The following STC2 variants were observed in gnomAD, a reference collection of about 807,000 sequenced individuals.
STC2 encodes the protein stanniocalcin 2, also known as stanniocalcin-2.
In STC2, 7 loss-of-function variants were observed where a neutral mutation model predicts 22.7. The observed-to-expected ratio is 0.31, with a 90% CI of 0.18 to 0.58. The LOEUF (loss-of-function observed/expected upper bound fraction) is 0.58. Ranked by LOEUF, STC2 falls within the 20% of genes least tolerant of loss-of-function variation. STC2 has a pLI of 0.89. For synonymous variants in STC2, 158 were observed against 163.4 expected, an observed-to-expected ratio of 0.97 and a Z score of 0.25; for missense variants, 336 against 406.2, an observed-to-expected ratio of 0.83 and a Z score of 1.48.
rs552523606 is a variant in STC2, at chr5:173,325,129, C to A, written c.294+739G>T. ...ACGTTTCTGAGATATAGTAACAGGG[C>A]GTTTCAACAGGGCATATAAGTGGCC... On this transcript the variant is annotated intron_variant, in intron 2 of 3. Coordinates refer to ENST00000265087, the MANE Select transcript of STC2 (RefSeq NM_003714.3). This position sits in a 1 kb window ranked among gnomAD's most constrained non-coding sequence, Gnocchi z 4.7. Among the ~76,000 whole-genome samples, 2 of 152,312 alleles carry A rather than the reference C, an allele frequency of 1.3e-5. No individual in the cohort carries two copies. The highest frequency in any genetic ancestry group is 2.9e-5 in the Non-Finnish European group (2 of 68,032).
chr5:173,324,512 TAG>T (rs1393694910), intron 2 of STC2, among the ~76,000 whole-genome samples: 2 of 152,214 alleles, frequency 1.3e-5, no homozygotes. Flanking sequence ...TGTCTACAGA[TAG>T]CGTCTGATCT....
chr5:173,318,202 A>T lies in STC2; in HGVS notation c.554T>A (p.Val185Glu). 1 of 1,519,944 alleles carries T rather than the reference A, an allele frequency of 6.6e-7. No individual in the cohort carries two copies. Among genetic ancestry groups the T allele is most frequent in the Non-Finnish European group, 8.8e-7 (1 of 1,132,318 alleles). 94.2% of individuals were successfully genotyped at this position (1,519,944 alleles called of 1,614,324 possible). The change falls in exon 4 of 4, where the codon GTG (valine) becomes GAG (glutamate). Residue 185 changes from valine to glutamate, a missense_variant. Transcript: ENST00000265087. ...VNLLLTCGEEVKEAITHSVQV... is the reference protein window; with the variant it reads ...VNLLLTCGEEEKEAITHSVQV... ...CACGCTGTGGGTGATGGCCTCCTTCACCTCCTCCCCACAGGTCAGCAGCAA... is the reference window on the plus strand; with the variant it reads ...CACGCTGTGGGTGATGGCCTCCTTCTCCTCCTCCCCACAGGTCAGCAGCAA...
chr5:173,325,713 A>G lies in STC2; in HGVS notation c.294+155T>C. ...CAGCTTATGAGTGCAGAAGGGAGAC[A>G]CTGGCATAATGTTTTATACCTAGAC... On this transcript the variant is annotated intron_variant, in intron 2 of 3. Coordinates refer to ENST00000265087, the MANE Select transcript of STC2 (RefSeq NM_003714.3). The surrounding 1 kb of genome is among the most constrained non-coding windows in gnomAD (Gnocchi z 4.7). The G allele has an allele frequency of 1.0e-6, 1 of 1,003,434 alleles. No individual in the cohort carries two copies. Among genetic ancestry groups the G allele is most frequent in the East Asian group, 2.4e-5 (1 of 41,746 alleles). 62.2% of individuals were successfully genotyped at this position (1,003,434 alleles called of 1,614,324 possible). A position where few individuals can be genotyped will look rare whatever the true frequency, so the allele number is the denominator to read the frequency against.
In STC2 at chr5:173,325,346, G is replaced by A. The variant is rs1762533922; in HGVS notation, c.294+522C>T. Among the ~76,000 whole-genome samples, 2 of 152,180 alleles carry A rather than the reference G, an allele frequency of 1.3e-5. No individual in the cohort carries two copies. Among genetic ancestry groups the A allele is most frequent in the African/African-American group, 4.8e-5 (2 of 41,438 alleles). Reference sequence around the variant, plus strand: ...ACTATATTTATCATATAGAGCAAAAGGAAAGTGTGGAACTGAAGGACTCAA... The same window carrying A: ...ACTATATTTATCATATAGAGCAAAAAGAAAGTGTGGAACTGAAGGACTCAA... On this transcript the variant is annotated intron_variant, in intron 2 of 3. Coordinates refer to ENST00000265087, the MANE Select transcript of STC2 (RefSeq NM_003714.3). The surrounding 1 kb of genome is among the most constrained non-coding windows in gnomAD (Gnocchi z 4.7).
At chr5:173,318,366 G>A in intron 3 of STC2, 117 bp from the exon 4 acceptor site, 2 of 1,088,478 alleles carry the variant, frequency 1.8e-6, no homozygotes, top group Non-Finnish European at 1.2e-6. Context: ...AGGAGGCATG[G>A]CCAGTGCTTG....
chr5:173,326,023 T>G lies in STC2; in HGVS notation c.152-13A>C. 8.1e-6 allele frequency: 13 copies of G among 1,613,576 alleles called. No individual in the cohort carries two copies. The highest frequency in any genetic ancestry group is 9.3e-6 in the Non-Finnish European group (11 of 1,179,730). On this transcript the variant is annotated splice_polypyrimidine_tract_variant and intron_variant, in intron 1 of 3. Coordinates refer to ENST00000265087, the MANE Select transcript of STC2 (RefSeq NM_003714.3). ...TGCTGGATCTCCGCTAAAAGGAAAA[T>G]CACATACAAATATATACAAAACTCT...
chr5:173,327,990 G>C lies in STC2; in HGVS notation c.151+53C>G, dbSNP rs561616431. ...GAAACGCCTGGGGCGCGCCGCGTGG[G>C]TGCACGGTGTCCTCTCCCAGTAGCT... On this transcript the variant is annotated intron_variant, in intron 1 of 3. Transcript: ENST00000265087. 1.4e-5 allele frequency: 19 copies of C among 1,397,672 alleles called. No individual in the cohort carries two copies. In the African/African-American group the frequency reaches 1.9e-4, roughly 14 times the overall value. The allele number at this position is 1,397,672 out of a possible 1,614,324, so 86.6% of individuals were successfully genotyped here. A position where few individuals can be genotyped will look rare whatever the true frequency, so the allele number is the denominator to read the frequency against.
In STC2 at chr5:173,317,973, C is replaced by T; in HGVS notation, c.783G>A (p.Glu261=). 1 of 1,613,486 alleles carries T rather than the reference C, an allele frequency of 6.2e-7. No homozygotes were observed. Among genetic ancestry groups the T allele is most frequent in the Non-Finnish European group, 8.5e-7 (1 of 1,180,000 alleles). Reference sequence around the variant, plus strand: ...CGTTTGGGTGGCTCTTGCTACCTCGCTCACCCTTGGCACCTCGGCCAGTCT... The same window carrying T: ...CGTTTGGGTGGCTCTTGCTACCTCGTTCACCCTTGGCACCTCGGCCAGTCT... ...SRETGRGAKG[E]RGSKSHPNAH... The change falls in exon 4 of 4, where the codon GAG becomes GAA. Residue 261 remains glutamate (E), a synonymous_variant. Coordinates refer to ENST00000265087, the MANE Select transcript of STC2 (RefSeq NM_003714.3).
chr5:173,318,469 C>T (rs1488022820), intron 3 of STC2, among the ~76,000 whole-genome samples: 1 of 152,144 alleles, frequency 6.6e-6, no homozygotes, highest in Non-Finnish European at 1.5e-5. Flanking sequence ...TATTGGGTGG[C>T]CACTGTGTCC....
intron 3 of STC2, among the ~76,000 whole-genome samples, chr5:173,320,111 G>A (rs1442275073): frequency 1.3e-5 from 2 of 152,252 alleles, no homozygotes; most frequent in Non-Finnish European, 2.9e-5. Flanking sequence ...CGCGGCACCA[G>A]GGCTAGGTGA....
At chr5:173,320,364 CT>C (rs368157964) in intron 3 of STC2, among the ~76,000 whole-genome samples, 8 of 152,214 alleles carry the variant, frequency 5.3e-5, no homozygotes, top group African/African-American at 1.4e-4. Flanking sequence ...CAGGAGGAAG[CT>C]GTGAACTGCG....
chr5:173,327,915 G>T, intron 1 of STC2, 128 bp downstream of exon 1: 1 of 1,238,660 alleles, frequency 8.1e-7, no homozygotes, highest in Non-Finnish European at 1.1e-6. Context: ...TGCACGTCCC[G>T]TGCCATCCCA....
intron 3 of STC2, among the ~76,000 whole-genome samples, chr5:173,320,807 CT>C (rs1161529639): frequency 0.013 from 1,693 of 134,002 alleles, 7 homozygotes; most frequent in African/African-American, 0.014. Flanking sequence ...TCAGTTCTCT[CT>C]TTTTTTTTTT....
intron 3 of STC2, among the ~76,000 whole-genome samples, chr5:173,321,973 G>C (rs1344752539): frequency 6.6e-6 from 1 of 152,234 alleles, no homozygotes; most frequent in African/African-American, 2.4e-5. Flanking sequence ...GCTTCCTGCA[G>C]AGTTTCGCCA....
chr5:173,328,111 G>A lies in STC2; in HGVS notation c.83C>T (p.Thr28Ile), dbSNP rs1339777818. The A allele has an allele frequency of 1.2e-6, 2 of 1,602,200 alleles. No homozygotes were observed. Among genetic ancestry groups the A allele is most frequent in the Non-Finnish European group, 8.5e-7 (1 of 1,174,476 alleles). Residue 28 changes from threonine (T) to isoleucine (I), a missense_variant, in exon 1 of 4, where the codon ACC (threonine) becomes ATC (isoleucine). Transcript: ENST00000265087. ...GTCTTGGGGACCCTCGGGTGGGTTG[G>A]TGGCGTCGGTCCCCCGCGCCGGGTC... ...TFDPARGTDA[T>I]NPPEGPQDRS...
chr5:173,328,386 G>T lies in STC2; in HGVS notation c.-193C>A. 2.1e-6 allele frequency: 1 copy of T among 486,272 alleles called. No individual in the cohort carries two copies. Among genetic ancestry groups the T allele is most frequent in the Non-Finnish European group, 3.4e-6 (1 of 296,762 alleles). 30.1% of individuals were successfully genotyped at this position (486,272 alleles called of 1,614,324 possible). On this transcript the variant is annotated 5_prime_UTR_variant, in exon 1 of 4. Transcript: ENST00000265087. ...CCTCCCGTAGCTCTCCGGAGAGCAT[G>T]TGACCAGGCCGTTAGCAGCGCCGCG... is the stretch of plus-strand genomic sequence containing the variant.
rs2113137131 is a variant in STC2, at chr5:173,323,618, G to A, written c.295-188C>T. Among the ~76,000 whole-genome samples the A allele has an allele frequency of 6.6e-6, 1 of 152,292 alleles. No homozygotes were observed. Among genetic ancestry groups the A allele is most frequent in the South Asian group, 2.1e-4 (1 of 4,822 alleles). Reference sequence around the variant, plus strand: ...CGACATCCGGAGGCACGTCCAGAGTGACATGACACCCCCAGCACTGGGCAA... The same window carrying A: ...CGACATCCGGAGGCACGTCCAGAGTAACATGACACCCCCAGCACTGGGCAA... On this transcript the variant is annotated intron_variant, in intron 2 of 3. Transcript: ENST00000265087. The surrounding 1 kb of genome is among the most constrained non-coding windows in gnomAD (Gnocchi z 5.4).
Position 173,316,768 on chromosome 5 carries a change from G to C in STC2, c.*1079C>G, listed in dbSNP as rs1317767709. 1.3e-5 allele frequency: 2 copies of C among 152,096 alleles called. No homozygotes were observed. The highest frequency in any genetic ancestry group is 3.9e-4 in the East Asian group (2 of 5,160). The allele number at this position is 152,096 out of a possible 1,614,324, so 9.4% of individuals were successfully genotyped here. A position where few individuals can be genotyped will look rare whatever the true frequency, so the allele number is the denominator to read the frequency against. On this transcript the variant is annotated 3_prime_UTR_variant, in exon 4 of 4. Coordinates refer to ENST00000265087, the MANE Select transcript of STC2 (RefSeq NM_003714.3). ...CTCACATGGAGAAGCCAGGTTTCCA[G>C]CTGGGTCTCCTGGAATCGCCAGGAC...
chr5:173,317,013 C>CAGT lies in STC2; in HGVS notation c.*833_*834insACT. 6.6e-6 allele frequency: 1 copy of CAGT among 151,214 alleles called. No homozygotes were observed. The highest frequency in any genetic ancestry group is 2.5e-5 in the African/African-American group (1 of 40,790). 9.4% of individuals were successfully genotyped at this position (151,214 alleles called of 1,614,324 possible). A position where few individuals can be genotyped will look rare whatever the true frequency, so the allele number is the denominator to read the frequency against. On this transcript the variant is annotated 3_prime_UTR_variant, in exon 4 of 4. Transcript: ENST00000265087. ...AGAAAAATCAGCCTCAAAGGATGGG[C>CAGT]TGGTTTTTTTTTTTTAAACCCCCTT...
Sources: allele counts gnomAD v4.1 joint callset (sites outside exome capture counted in the v4.1 genomes callset), GRCh38; gene constraint gnomAD v4.1.1; non-coding constraint Gnocchi (gnomAD v3.1); transcripts MANE v1.5; gene names NCBI Gene and HGNC (gene_info 2026-07-23, HGNC 2026-07-21).